GNAL: variants seen among roughly 807,000 people sequenced by gnomAD.
GNAL encodes guanine nucleotide-binding protein G(olf) subunit alpha.
Under a neutral mutation model 55.1 loss-of-function variants are expected in GNAL, and 18 were observed. The observed-to-expected ratio is 0.33, with a 90% CI of 0.23 to 0.48. GNAL has a LOEUF of 0.48. GNAL is among the 20% of genes least tolerant of loss of function. The pLI is 0.99. For missense variants in GNAL, 412 were observed against 614.1 expected (o/e 0.67, Z 3.48); for synonymous variants, 253 against 237.0 (o/e 1.07, Z -0.62).
intron 11 of GNAL, among the ~76,000 whole-genome samples, chr18:11,877,282 C>T (rs1277558718): frequency 1.3e-5 from 2 of 152,024 alleles, no homozygotes; most frequent in Non-Finnish European, 2.9e-5. Context: ...GGTGAAACCC[C>T]ATCTCTACTA....
chr18:11,710,709 A>G (rs991960753), intron 1 of GNAL, among the ~76,000 whole-genome samples: 2 of 151,944 alleles, frequency 1.3e-5, no homozygotes, highest in Admixed American at 6.6e-5. Context: ...AGAACGTTGA[A>G]TATATCATCC....
Position 11,824,977 on chromosome 18 carries a change from G to C in GNAL, c.684G>C (p.Glu228Asp). ...WDDEGVKACF[E>D]RSNEYQLIDC... is the part of the protein sequence containing the mutation. ...ATGAAGGCGTGAAGGCATGCTTTGA[G>C]AGATCCAACGAATACCAGCTGATTG... is the stretch of plus-strand genomic sequence containing the variant. Residue 228 changes from glutamate (E) to aspartate (D), a missense_variant, in exon 5 of 12, where the codon GAG (glutamate) becomes GAC (aspartate). This residue lies in a region of GNAL where 53 missense variants were observed against 182.7 expected (regional missense o/e 0.29). Coordinates refer to ENST00000334049, the MANE Select transcript of GNAL (RefSeq NM_182978.4). 1 of 1,605,938 alleles carries C rather than the reference G, an allele frequency of 6.2e-7. No homozygotes were observed. The highest frequency in any genetic ancestry group is 8.5e-7 in the Non-Finnish European group (1 of 1,173,600).
intron 4 of GNAL, among the ~76,000 whole-genome samples, chr18:11,765,661 A>G (rs73399817): frequency 0.14 from 20,949 of 152,110 alleles, 3,121 homozygotes; most frequent in African/African-American, 0.37. Flanking sequence ...AGAACATGTG[A>G]TATTTGTCTT....
At chr18:11,761,302 G>C (rs2033235041) in intron 4 of GNAL, among the ~76,000 whole-genome samples, 1 of 152,146 alleles carries the variant, frequency 6.6e-6, no homozygotes, top group African/African-American at 2.4e-5. Context: ...GGCACCCCTA[G>C]TTTTCCCCAA....
chr18:11,884,551 C>T lies in GNAL; in HGVS notation c.*3416C>T, dbSNP rs1353291099. ...GACCACAAGGAAGCCCACCACTCCA[C>T]AGTAGATGATCAAAACCACATCCTC... On this transcript the variant is annotated 3_prime_UTR_variant, in exon 12 of 12. Transcript: ENST00000334049. 3.7e-6 allele frequency: 6 copies of T among 1,613,960 alleles called. No homozygotes were observed. Among genetic ancestry groups the T allele is most frequent in the Non-Finnish European group, 4.2e-6 (5 of 1,180,038 alleles).
At chr18:11,838,867 T>C (rs2035552687) in intron 5 of GNAL, among the ~76,000 whole-genome samples, 1 of 152,218 alleles carries the variant, frequency 6.6e-6, no homozygotes, top group East Asian at 1.9e-4. Context: ...TGAAAATATG[T>C]CTTAAAAATC....
At chr18:11,839,349 G>T (rs936797344) in intron 5 of GNAL, among the ~76,000 whole-genome samples, 3 of 151,450 alleles carry the variant, frequency 2.0e-5, no homozygotes, top group African/African-American at 7.3e-5. Context: ...TTTGAGAGCA[G>T]CCTGGGCATC....
Position 11,689,359 on chromosome 18 carries a change from G to A in GNAL, c.-205G>A. 2.9e-6 allele frequency: 1 copy of A among 347,686 alleles called. No individual in the cohort carries two copies. Among genetic ancestry groups the A allele is most frequent in the Non-Finnish European group, 5.2e-6 (1 of 193,586 alleles). The allele number at this position is 347,686 out of a possible 1,614,324, so 21.5% of individuals were successfully genotyped here. On this transcript the variant is annotated 5_prime_UTR_variant, in exon 1 of 12. Transcript: ENST00000334049. ...CAGAAAATGCAAAATGACCCTCTGG[G>A]GCAGTGAGGGGCTGTGGCCCTCGGC...
intron 4 of GNAL, among the ~76,000 whole-genome samples, chr18:11,772,670 C>T (rs72865283): frequency 6.6e-6 from 1 of 152,142 alleles, no homozygotes; most frequent in Non-Finnish European, 1.5e-5. Context: ...ATGTGCTGAC[C>T]TGGAGGCAAA....
intron 4 of GNAL, among the ~76,000 whole-genome samples, chr18:11,791,904 G>A (rs183459159): frequency 1.3e-5 from 2 of 152,242 alleles, no homozygotes; most frequent in East Asian, 3.9e-4. Context: ...CCTCTCACAG[G>A]TGTCTCCCCT....
At chr18:11,867,404 C>T (rs2855647) in intron 8 of GNAL, among the ~76,000 whole-genome samples, 178 bp downstream of exon 8, 4 of 152,164 alleles carry the variant, frequency 2.6e-5, no homozygotes, top group Non-Finnish European at 5.9e-5. Flanking sequence ...AAGGGCCTGA[C>T]ACGGTGGCTC....
In GNAL at chr18:11,819,712, C is replaced by CA. The variant is rs200414905; in HGVS notation, c.625-5198dup. ...ATTACTCTTTTCAGACACATACACA[C>CA]AAAAAAAACCCTGAAATTATTTTTA... On this transcript the variant is annotated intron_variant, in intron 4 of 11. Transcript: ENST00000334049. Among the ~76,000 whole-genome samples, 1,208 of 151,442 alleles carry CA rather than the reference C, an allele frequency of 8.0e-3. 8 individuals carry two copies. The highest frequency in any genetic ancestry group is 9.5e-3 in the Non-Finnish European group (645 of 67,818).
intron 4 of GNAL, among the ~76,000 whole-genome samples, chr18:11,768,406 A>T (rs1178794711): frequency 1.3e-5 from 2 of 152,136 alleles, no homozygotes; most frequent in Non-Finnish European, 1.5e-5. Context: ...GTTCGAGACC[A>T]GCCTGACCAA....
chr18:11,815,595 C>A (rs952043402), intron 4 of GNAL, among the ~76,000 whole-genome samples: 2 of 152,166 alleles, frequency 1.3e-5, no homozygotes, highest in African/African-American at 4.8e-5. Flanking sequence ...CACCAGGCCC[C>A]ACCTCCAACA....
intron 1 of GNAL, among the ~76,000 whole-genome samples, chr18:11,712,163 C>T (rs1357266136): frequency 6.6e-6 from 1 of 152,254 alleles, no homozygotes; most frequent in Non-Finnish European, 1.5e-5. Context: ...TAGCTTTCCT[C>T]AGGCATTTAA....
At chr18:11,748,535 A>T (rs1364762707) in intron 1 of GNAL, among the ~76,000 whole-genome samples, 1 of 152,162 alleles carries the variant, frequency 6.6e-6, no homozygotes, top group African/African-American at 2.4e-5. Context: ...CTTTTTCATC[A>T]CATCTGTTTA....
chr18:11,758,927 C>T (rs570430935), intron 4 of GNAL, among the ~76,000 whole-genome samples: 1 of 151,922 alleles, frequency 6.6e-6, no homozygotes, highest in South Asian at 2.1e-4. Context: ...AATCCCAGTA[C>T]TTTGGGAGGC....
intron 1 of GNAL, among the ~76,000 whole-genome samples, chr18:11,722,247 A>G (rs1424599292): frequency 6.6e-6 from 1 of 152,170 alleles, no homozygotes; most frequent in East Asian, 1.9e-4. Context: ...CCAGCAAATG[A>G]TTTTTCCTGC....
Position 11,866,018 on chromosome 18 carries a change from C to T in GNAL, c.852-1150C>T, listed in dbSNP as rs879483075. ...CTCCTCAGTGCACAGGTGACAGACA[C>T]CTACTTCCAGATTTCCCAAGAACCC... is the stretch of plus-strand genomic sequence containing the variant. On this transcript the variant is annotated intron_variant, in intron 7 of 11. Transcript: ENST00000334049. Among the ~76,000 whole-genome samples, 12 of 149,656 alleles carry T rather than the reference C, an allele frequency of 8.0e-5. 1 individual carries two copies. The highest frequency in any genetic ancestry group is 1.2e-4 in the Non-Finnish European group (8 of 68,022).
Sources: gnomAD v4.1 joint callset for allele counts (sites outside exome capture counted in the v4.1 genomes callset) on GRCh38, gnomAD v4.1.1 for gene constraint, gnomAD v4.1.1 regional missense constraint, MANE v1.5 for transcripts, NCBI Gene and HGNC (gene_info 2026-07-23, HGNC 2026-07-21) for gene names.